Variants in RUNDC3B observed in about 807,000 individuals in gnomAD.
The protein encoded by RUNDC3B is RUN domain containing 3B.
RUNDC3B carries 33 observed loss-of-function variants against 58.4 expected under a neutral mutation model. The ratio of observed to expected loss-of-function variants is 0.56; its 90% CI spans 0.43 to 0.75. The LOEUF is 0.75. Among genes scored for constraint, RUNDC3B ranks in the 30% least tolerant of loss-of-function variants. RUNDC3B has a pLI of 0.00. For synonymous variants in RUNDC3B, 193 were observed against 195.2 expected (o/e 0.99, Z 0.10); for missense variants, 501 against 535.7 (o/e 0.94, Z 0.64).
intron 10 of RUNDC3B, among the ~76,000 whole-genome samples, chr7:87,818,308 CAG>C (rs1837193549): frequency 6.6e-6 from 1 of 152,082 alleles, no homozygotes; most frequent in African/African-American, 2.4e-5. Flanking sequence ...AAGTTACTTA[CAG>C]AGTTTCCATA....
At chr7:87,784,206 G>A (rs1273999520) in intron 8 of RUNDC3B, among the ~76,000 whole-genome samples, 2 of 152,186 alleles carry the variant, frequency 1.3e-5, no homozygotes, top group East Asian at 1.9e-4. Context: ...TGAATTCTAT[G>A]TATGTCACTT....
intron 10 of RUNDC3B, among the ~76,000 whole-genome samples, chr7:87,818,868 G>C (rs1229477937): frequency 6.6e-6 from 1 of 152,156 alleles, no homozygotes; most frequent in Non-Finnish European, 1.5e-5. Flanking sequence ...CAGAGAAGCA[G>C]TGTTAAGAAG....
chr7:87,675,566 T>G (rs1826247841), intron 2 of RUNDC3B, among the ~76,000 whole-genome samples: 1 of 146,456 alleles, frequency 6.8e-6, no homozygotes, highest in Non-Finnish European at 1.5e-5. Flanking sequence ...TATGGTCAAC[T>G]AATTTTTGAC....
At chr7:87,667,034 C>T (rs754338323) in intron 2 of RUNDC3B, among the ~76,000 whole-genome samples, 27 of 151,980 alleles carry the variant, frequency 1.8e-4, no homozygotes, top group Non-Finnish European at 3.4e-4. Flanking sequence ...AAGAATGTCA[C>T]TGGTAGTTTG....
intron 10 of RUNDC3B, among the ~76,000 whole-genome samples, chr7:87,817,277 T>C (rs1338540225): frequency 6.6e-6 from 1 of 152,198 alleles, no homozygotes; most frequent in African/African-American, 2.4e-5. Flanking sequence ...ACTGCAACCT[T>C]AGTCTCTGCC....
At chr7:87,722,343 A>G (rs1830953149) in intron 4 of RUNDC3B, among the ~76,000 whole-genome samples, 1 of 151,984 alleles carries the variant, frequency 6.6e-6, no homozygotes, top group South Asian at 2.1e-4. Flanking sequence ...CCTTTGATCA[A>G]CACCTCCCAT....
chr7:87,668,186 G>C (rs919675712), intron 2 of RUNDC3B, among the ~76,000 whole-genome samples: 2 of 151,850 alleles, frequency 1.3e-5, no homozygotes, highest in African/African-American at 4.8e-5. Flanking sequence ...TCTGCTCAGG[G>C]AATCAGTTTC....
intron 10 of RUNDC3B, 91 bp downstream of exon 10, chr7:87,816,353 T>A (rs1837032303): frequency 1.1e-6 from 1 of 897,142 alleles, no homozygotes. Flanking sequence ...AATAGTGACA[T>A]CTCTGTTAAT....
chr7:87,793,092 T>G (rs1163335336), intron 8 of RUNDC3B, among the ~76,000 whole-genome samples: 1 of 151,946 alleles, frequency 6.6e-6, no homozygotes, highest in Non-Finnish European at 1.5e-5. Flanking sequence ...AATTGGAAAA[T>G]CTAGAGGAAA....
chr7:87,785,929 T>C (rs571135760), intron 8 of RUNDC3B, among the ~76,000 whole-genome samples: 5 of 152,304 alleles, frequency 3.3e-5, no homozygotes, highest in African/African-American at 1.2e-4. Context: ...TGTGGTGTTC[T>C]GTAGTTCCTT....
chr7:87,824,589 G>A (rs1837695873), intron 10 of RUNDC3B, among the ~76,000 whole-genome samples: 1 of 152,194 alleles, frequency 6.6e-6, no homozygotes, highest in Non-Finnish European at 1.5e-5. Context: ...ATGTGGAAGG[G>A]ACTTTGGAAC....
In RUNDC3B at chr7:87,708,753, G is replaced by T. The variant is rs187105740; in HGVS notation, c.373-1817G>T. 2.6e-5 allele frequency among the ~76,000 whole-genome samples: 4 copies of T among 152,154 alleles called. No homozygotes were observed. The East Asian group carries it at 7.7e-4, about 29-fold the overall frequency. On this transcript the variant is annotated intron_variant, in intron 3 of 10. Coordinates refer to ENST00000394654, the MANE Select transcript of RUNDC3B (RefSeq NM_001134405.2). Reference sequence around the variant, plus strand: ...CTGGTCAGTTTGGTGGTGGTAAAATGAATTTCTTCTCTTCTAATTGTGTCT... The same window carrying T: ...CTGGTCAGTTTGGTGGTGGTAAAATTAATTTCTTCTCTTCTAATTGTGTCT...
At chr7:87,822,194 A>G (rs1837497661) in intron 10 of RUNDC3B, among the ~76,000 whole-genome samples, 1 of 152,242 alleles carries the variant, frequency 6.6e-6, no homozygotes, top group Admixed American at 6.5e-5. Flanking sequence ...CAAATTTACA[A>G]GAAAAAAACA....
At chr7:87,629,740 C>T (rs1042933641) in intron 1 of RUNDC3B, among the ~76,000 whole-genome samples, 2 of 151,930 alleles carry the variant, frequency 1.3e-5, no homozygotes, top group African/African-American at 2.4e-5. Flanking sequence ...GCCTGGCCAA[C>T]ATAGTGAAAC....
intron 2 of RUNDC3B, among the ~76,000 whole-genome samples, chr7:87,678,496 T>A (rs757192693): frequency 3.3e-5 from 5 of 152,004 alleles, no homozygotes; most frequent in Non-Finnish European, 5.9e-5. Flanking sequence ...ATAAATAAAT[T>A]AAAATGGAAC....
Position 87,830,001 on chromosome 7 carries a change from A to C in RUNDC3B, c.1342A>C (p.Met448Leu). 6.2e-7 allele frequency: 1 copy of C among 1,607,726 alleles called. No individual in the cohort carries two copies. Among genetic ancestry groups the C allele is most frequent in the South Asian group, 1.1e-5 (1 of 89,934 alleles). The change falls in exon 11 of 11, where the codon ATG (methionine) becomes CTG (leucine). Residue 448 changes from methionine to leucine, a missense_variant. Met to Leu is a conservative substitution (Grantham distance 15). Coordinates refer to ENST00000394654, the MANE Select transcript of RUNDC3B (RefSeq NM_001134405.2). ...NDYLASPTTE[M>L]TSPGLTPS ...CTACCTTGCAAGTCCTACAACAGAG[A>C]TGACAAGTCCAGGCCTAACTCCATC...
intron 2 of RUNDC3B, among the ~76,000 whole-genome samples, chr7:87,682,800 A>C (rs1827056495): frequency 6.6e-6 from 1 of 152,218 alleles, no homozygotes; most frequent in Non-Finnish European, 1.5e-5. Context: ...ATTGGCTTCA[A>C]CTTAAAGCCA....
At chr7:87,755,620 C>T (rs1205973437) in intron 6 of RUNDC3B, among the ~76,000 whole-genome samples, 1 of 152,080 alleles carries the variant, frequency 6.6e-6, no homozygotes, top group Non-Finnish European at 1.5e-5. Flanking sequence ...AAGACAAAAA[C>T]CAATGATTAT....
intron 3 of RUNDC3B, 81 bp from the exon 4 acceptor site, chr7:87,710,489 A>G (rs1265231229): frequency 5.3e-6 from 4 of 749,518 alleles, no homozygotes; most frequent in South Asian, 3.4e-5. Flanking sequence ...TGTTCTTTAC[A>G]TATTAAAATA....
Sources: allele counts gnomAD v4.1 joint callset (sites outside exome capture counted in the v4.1 genomes callset), GRCh38; gene constraint gnomAD v4.1.1; transcripts MANE v1.5; gene names NCBI Gene and HGNC (gene_info 2026-07-23, HGNC 2026-07-21).